The following ENOX1 variants were observed in gnomAD, a reference collection of about 807,000 sequenced individuals.
ENOX1 encodes ecto-NOX disulfide-thiol exchanger 1, also known as candidate growth-related and time keeping constitutive hydroquinone (NADH) oxidase.
Under a neutral mutation model 82.5 loss-of-function variants are expected in ENOX1, and 42 were observed. That is an observed-to-expected ratio of 0.51 (90% CI 0.40 to 0.66). The LOEUF (loss-of-function observed/expected upper bound fraction) is 0.66, where lower values mean the gene tolerates loss of function less well. ENOX1 is among the 30% of genes least tolerant of loss of function. The probability of loss-of-function intolerance (pLI) is 0.00; values close to 1 mark genes in which losing one functional copy is unlikely to be tolerated. For missense variants in ENOX1, 608 were observed against 811.6 expected (o/e 0.75, Z 3.05); for synonymous variants, 271 against 282.2 (o/e 0.96, Z 0.40).
At chr13:43,408,499 T>C (rs2053930204) in intron 5 of ENOX1, among the ~76,000 whole-genome samples, 1 of 152,222 alleles carries the variant, frequency 6.6e-6, no homozygotes, top group African/African-American at 2.4e-5. Flanking sequence ...CACTAAATAA[T>C]CTTTAAGTCC....
At chr13:43,465,496 T>A (rs2057679447) in intron 3 of ENOX1, among the ~76,000 whole-genome samples, 1 of 152,128 alleles carries the variant, frequency 6.6e-6, no homozygotes, top group Non-Finnish European at 1.5e-5. Context: ...GTATTTTTAC[T>A]GTCCCAGCCA....
At chr13:43,602,432 C>G (rs986904709) in intron 2 of ENOX1, among the ~76,000 whole-genome samples, 15 of 152,052 alleles carry the variant, frequency 9.9e-5, no homozygotes, top group African/African-American at 3.6e-4. Context: ...TATTTGTGAT[C>G]AAATGAAAAT....
At chr13:43,517,408 G>A (rs1038319901) in intron 2 of ENOX1, among the ~76,000 whole-genome samples, 4 of 152,122 alleles carry the variant, frequency 2.6e-5, no homozygotes, top group Non-Finnish European at 5.9e-5. Context: ...TGAGGCAGAA[G>A]AATCACTTGA....
intron 1 of ENOX1, among the ~76,000 whole-genome samples, chr13:43,689,566 C>A (rs977445272): frequency 1.2e-4 from 19 of 152,100 alleles, no homozygotes; most frequent in African/African-American, 4.6e-4. Context: ...ATCAGCTTCT[C>A]GAAAAAGCCA....
chr13:43,703,672 AG>A (rs2087053745), intron 1 of ENOX1, among the ~76,000 whole-genome samples: 1 of 152,168 alleles, frequency 6.6e-6, no homozygotes, highest in South Asian at 2.1e-4. Context: ...CTAGGAGTTA[AG>A]AGAATTTACC....
intron 1 of ENOX1, among the ~76,000 whole-genome samples, chr13:43,697,204 G>A (rs1332200196): frequency 1.3e-5 from 2 of 152,200 alleles, no homozygotes; most frequent in Admixed American, 6.5e-5. Context: ...TAAGCTATCA[G>A]GGGAACATAT....
At chr13:43,494,192 C>T (rs1344062247) in intron 2 of ENOX1, among the ~76,000 whole-genome samples, 2 of 152,046 alleles carry the variant, frequency 1.3e-5, no homozygotes, top group Non-Finnish European at 2.9e-5. Context: ...CATCCTTAGA[C>T]CAGTCACACT....
chr13:43,281,096 G>A (rs1291209248), intron 12 of ENOX1, among the ~76,000 whole-genome samples: 5 of 152,112 alleles, frequency 3.3e-5, no homozygotes, highest in South Asian at 2.1e-4. Context: ...CATTAGACAG[G>A]AACAGTTTCC....
intron 5 of ENOX1, among the ~76,000 whole-genome samples, chr13:43,369,895 G>C (rs191706511): frequency 1.3e-5 from 2 of 152,334 alleles, no homozygotes; most frequent in African/African-American, 4.8e-5. Context: ...TGGGGGTCTG[G>C]AGCTTGGAGG....
At chr13:43,294,436 C>G (rs560477143) in intron 12 of ENOX1, among the ~76,000 whole-genome samples, 13 of 152,230 alleles carry the variant, frequency 8.5e-5, no homozygotes, top group African/African-American at 3.1e-4. Flanking sequence ...TGAGATATCA[C>G]TATAAATTTA....
intron 2 of ENOX1, among the ~76,000 whole-genome samples, chr13:43,589,916 A>T (rs1303518943): frequency 6.9e-6 from 1 of 143,890 alleles, no homozygotes; most frequent in Admixed American, 7.0e-5. Flanking sequence ...AAAAAAAAAA[A>T]TCCTTAATAT....
intron 2 of ENOX1, among the ~76,000 whole-genome samples, chr13:43,618,329 C>A (rs763784639): frequency 2.0e-5 from 3 of 152,128 alleles, no homozygotes; most frequent in African/African-American, 4.8e-5. Flanking sequence ...AAACCAATGT[C>A]TAGAAGGGTT....
At chr13:43,747,136 G>C (rs913645190) in intron 1 of ENOX1, among the ~76,000 whole-genome samples, 1 of 152,040 alleles carries the variant, frequency 6.6e-6, no homozygotes, top group Non-Finnish European at 1.5e-5. Flanking sequence ...ATCACAACCC[G>C]TACCACTTCA....
intron 2 of ENOX1, among the ~76,000 whole-genome samples, chr13:43,500,602 T>A (rs1438342297): frequency 6.6e-6 from 1 of 151,966 alleles, no homozygotes; most frequent in Non-Finnish European, 1.5e-5. Context: ...TTCAAGTTGT[T>A]ACAAAAGGAT....
intron 2 of ENOX1, among the ~76,000 whole-genome samples, chr13:43,518,362 G>A (rs910174704): frequency 2.0e-5 from 3 of 151,824 alleles, no homozygotes; most frequent in Admixed American, 6.6e-5. Context: ...TTTGTCATAC[G>A]TTCAAATGTC....
At chr13:43,568,128 C>A (rs2079998855) in intron 2 of ENOX1, among the ~76,000 whole-genome samples, 1 of 152,100 alleles carries the variant, frequency 6.6e-6, no homozygotes, top group African/African-American at 2.4e-5. Context: ...TTTTTCAATT[C>A]TTTGACAAGT....
chr13:43,675,809 C>T (rs976789035), intron 1 of ENOX1, among the ~76,000 whole-genome samples: 3 of 152,190 alleles, frequency 2.0e-5, no homozygotes, highest in African/African-American at 7.2e-5. Context: ...ACCCTGCAAG[C>T]ACTGCGAGAG....
At chr13:43,234,199 A>G (rs1340413850) in intron 15 of ENOX1, among the ~76,000 whole-genome samples, 1 of 152,156 alleles carries the variant, frequency 6.6e-6, no homozygotes, top group Non-Finnish European at 1.5e-5. Flanking sequence ...AGCTTTTGGC[A>G]GGATCCATTT....
chr13:43,534,363 C>T (rs1282632302), intron 2 of ENOX1, among the ~76,000 whole-genome samples: 2 of 152,036 alleles, frequency 1.3e-5, no homozygotes. Context: ...TGATGTCTAC[C>T]CCTTTCCTCT....
Sources: gnomAD v4.1 joint callset for allele counts (sites outside exome capture counted in the v4.1 genomes callset) on GRCh38, gnomAD v4.1.1 for gene constraint, MANE v1.5 for transcripts, NCBI Gene and HGNC (gene_info 2026-07-23, HGNC 2026-07-21) for gene names.